Variants in FRMD4B observed in about 807,000 individuals in gnomAD.
FRMD4B encodes FERM domain containing 4B, also known as FERM domain-containing protein 4B.
A neutral mutation model predicts 141.5 loss-of-function variants in FRMD4B; 74 were observed. The ratio of observed to expected loss-of-function variants is 0.52; its 90% CI spans 0.43 to 0.63. FRMD4B has a LOEUF of 0.63. FRMD4B is among the 30% of genes least tolerant of loss of function. The pLI is 0.00. For missense variants in FRMD4B, 1,366 were observed against 1,253.4 expected (o/e 1.09, Z -1.36); for synonymous variants, 506 against 467.9 (o/e 1.08, Z -1.05).
chr3:69,401,332 T>A (rs72939706), intron 2 of FRMD4B, among the ~76,000 whole-genome samples: 5,471 of 152,242 alleles, frequency 0.036, 337 homozygotes, highest in African/African-American at 0.12. Flanking sequence ...ATCAGGGGCT[T>A]GGGGGTTGTC....
chr3:69,439,682 C>T (rs960862694), intron 1 of FRMD4B, among the ~76,000 whole-genome samples: 7 of 152,198 alleles, frequency 4.6e-5, no homozygotes, highest in Non-Finnish European at 8.8e-5. Flanking sequence ...TGACAACTTG[C>T]TCTCCAAAGT....
chr3:69,535,949 C>T (rs1207196584), intron 1 of FRMD4B: 2 of 389,440 alleles, frequency 5.1e-6, no homozygotes, highest in Non-Finnish European at 5.1e-6. Flanking sequence ...TCCTGTGGTC[C>T]CCAGCATCTC....
intron 1 of FRMD4B, among the ~76,000 whole-genome samples, chr3:69,476,015 C>G (rs113328880): frequency 0.63 from 94,429 of 150,128 alleles, 30,946 homozygotes; most frequent in African/African-American, 0.82. Flanking sequence ...CTTTTGAGAA[C>G]TGTCTGTTCA....
In FRMD4B at chr3:69,386,056, T is replaced by C; in HGVS notation, c.-67A>G. On this transcript the variant is annotated 5_prime_UTR_variant, in exon 1 of 23. Transcript: ENST00000398540. The stretch of plus-strand genomic sequence containing the variant: ...ACGTGCAGCCCCGACCCCAGCGGCC[T>C]GCCCGCCTGGGCTCCCGACGCCGGC... 1.5e-6 allele frequency: 2 copies of C among 1,331,902 alleles called. No homozygotes were observed. Among genetic ancestry groups the C allele is most frequent in the South Asian group, 1.8e-5 (1 of 54,446 alleles). The allele number at this position is 1,331,902 out of a possible 1,614,324, so 82.5% of individuals were successfully genotyped here.
chr3:69,536,946 C>T (rs932728225), intron 1 of FRMD4B, among the ~76,000 whole-genome samples: 1 of 151,924 alleles, frequency 6.6e-6, no homozygotes, highest in Admixed American at 6.5e-5. Flanking sequence ...TGAGGTCTTC[C>T]TAGGTTGCCT....
At chr3:69,476,878 A>C (rs924273471) in intron 1 of FRMD4B, among the ~76,000 whole-genome samples, 2 of 151,940 alleles carry the variant, frequency 1.3e-5, no homozygotes, top group Non-Finnish European at 2.9e-5. Context: ...CTTTTATTTC[A>C]CTGAGCAGTG....
chr3:69,535,143 T>C (rs1701065407), intron 1 of FRMD4B, among the ~76,000 whole-genome samples: 1 of 152,246 alleles, frequency 6.6e-6, no homozygotes, highest in Admixed American at 6.5e-5. Flanking sequence ...TTAAGTCACT[T>C]GGTCAAAGCA....
intron 2 of FRMD4B, among the ~76,000 whole-genome samples, chr3:69,402,239 T>A (rs1704575295): frequency 6.6e-6 from 1 of 152,198 alleles, no homozygotes; most frequent in Non-Finnish European, 1.5e-5. Context: ...AAAGGGGATA[T>A]CTACTGAGGG....
At chr3:69,245,660 TTTTC>T (rs2093419845) in intron 7 of FRMD4B, among the ~76,000 whole-genome samples, 2 of 78,714 alleles carry the variant, frequency 2.5e-5, no homozygotes, top group African/African-American at 4.8e-5. Flanking sequence ...GCTGATTTTC[TTTTC>T]TTTTTTTTTT....
intron 18 of FRMD4B, among the ~76,000 whole-genome samples, chr3:69,188,609 T>G (rs1482469602): frequency 1.3e-5 from 2 of 151,222 alleles, no homozygotes; most frequent in Non-Finnish European, 2.9e-5. Context: ...TACAAAAAAT[T>G]AGCCGGGCGC....
chr3:69,503,639 C>A (rs1365634399), intron 1 of FRMD4B, among the ~76,000 whole-genome samples: 2 of 152,080 alleles, frequency 1.3e-5, no homozygotes, highest in African/African-American at 2.4e-5. Flanking sequence ...TCATATGTAA[C>A]AATCCTGCAC....
At chr3:69,199,036 C>T (rs1330425121) in intron 11 of FRMD4B, 10 of 336,572 alleles carry the variant, frequency 3.0e-5, no homozygotes, top group East Asian at 2.0e-4. Context: ...TTTGGGAGGC[C>T]GAGGCAGGTG....
chr3:69,425,007 C>T (rs2052455582), intron 2 of FRMD4B, among the ~76,000 whole-genome samples: 1 of 152,144 alleles, frequency 6.6e-6, no homozygotes, highest in African/African-American at 2.4e-5. Flanking sequence ...ATGTACTTTA[C>T]CTCTGCTTAC....
intron 2 of FRMD4B, among the ~76,000 whole-genome samples, chr3:69,431,185 T>A (rs146780231): frequency 1.3e-4 from 20 of 152,344 alleles, no homozygotes; most frequent in African/African-American, 3.4e-4. Context: ...GCCTTACAGA[T>A]TACAGCAAAG....
At chr3:69,363,990 G>T (rs9830380) in intron 1 of FRMD4B, among the ~76,000 whole-genome samples, 2,996 of 152,298 alleles carry the variant, frequency 0.02, 96 homozygotes, top group African/African-American at 0.067. Context: ...TGACATCAGA[G>T]AAAGTAGGGA....
chr3:69,533,029 C>T (rs1007882820), intron 1 of FRMD4B, among the ~76,000 whole-genome samples: 4 of 152,238 alleles, frequency 2.6e-5, no homozygotes, highest in African/African-American at 9.6e-5. Flanking sequence ...TGTGACAACA[C>T]ATTCAGTGTT....
intron 7 of FRMD4B, among the ~76,000 whole-genome samples, chr3:69,227,572 G>C (rs1364409356): frequency 6.6e-6 from 1 of 151,434 alleles, no homozygotes. Context: ...TGAGGCAGGA[G>C]AATCACTTGA....
chr3:69,221,001 T>A (rs1429995824), intron 9 of FRMD4B, among the ~76,000 whole-genome samples: 6 of 151,906 alleles, frequency 3.9e-5, no homozygotes, highest in Non-Finnish European at 7.4e-5. Context: ...TTCTTTATTG[T>A]CACCTGGCTG....
At chr3:69,236,227 G>GT (rs1559741226) in intron 7 of FRMD4B, among the ~76,000 whole-genome samples, 17 of 149,592 alleles carry the variant, frequency 1.1e-4, no homozygotes, top group Non-Finnish European at 1.2e-4. Context: ...TTATTGTTTT[G>GT]GTTTTTTTTT....
Sources: gnomAD v4.1 joint callset for allele counts (sites outside exome capture counted in the v4.1 genomes callset) on GRCh38, gnomAD v4.1.1 for gene constraint, MANE v1.5 for transcripts, NCBI Gene and HGNC (gene_info 2026-07-23, HGNC 2026-07-21) for gene names.